The following TRIM69 variants were observed in gnomAD, a reference collection of about 807,000 sequenced individuals.
The protein encoded by TRIM69 is E3 ubiquitin-protein ligase TRIM69.
Under a neutral mutation model 37.7 loss-of-function variants are expected in TRIM69, and 29 were observed. That is an observed-to-expected ratio of 0.77 (90% CI 0.57 to 1.05). The LOEUF (loss-of-function observed/expected upper bound fraction) is 1.05. Among genes scored for constraint, TRIM69 ranks in the 50% least tolerant of loss-of-function variants. The probability of loss-of-function intolerance (pLI) is 0.00; values close to 1 mark genes in which losing one functional copy is unlikely to be tolerated. For synonymous variants in TRIM69, 209 were observed against 212.4 expected (o/e 0.98, Z 0.14); for missense variants, 596 against 579.9 (o/e 1.03, Z -0.28).
intron 1 of TRIM69, among the ~76,000 whole-genome samples, chr15:44,750,758 T>C (rs1162908503): frequency 7.2e-6 from 1 of 139,434 alleles, no homozygotes; most frequent in Non-Finnish European, 1.5e-5. Context: ...GGAGTCTCAC[T>C]CTGTTACCCA....
intron 1 of TRIM69, among the ~76,000 whole-genome samples, chr15:44,748,069 T>C (rs1300447107): frequency 6.6e-6 from 1 of 152,220 alleles, no homozygotes; most frequent in Non-Finnish European, 1.5e-5. Flanking sequence ...ATTTCACCAG[T>C]GACTTGAGTG....
At chr15:44,751,036 G>C (rs2087515805) in intron 1 of TRIM69, among the ~76,000 whole-genome samples, 1 of 132,502 alleles carries the variant, frequency 7.5e-6, no homozygotes, top group African/African-American at 2.8e-5. Flanking sequence ...GCCCACTGCA[G>C]CCTGGACCTC....
At chr15:44,749,840 T>A (rs2087482795) in intron 1 of TRIM69, among the ~76,000 whole-genome samples, 1 of 152,234 alleles carries the variant, frequency 6.6e-6, no homozygotes, top group Non-Finnish European at 1.5e-5. Flanking sequence ...CCAATTTATA[T>A]TCTCAATTAA....
At chr15:44,752,189 T>A (rs539502027) in intron 1 of TRIM69, among the ~76,000 whole-genome samples, 1 of 152,336 alleles carries the variant, frequency 6.6e-6, no homozygotes, top group South Asian at 2.1e-4. Flanking sequence ...TGTTATTGAT[T>A]TCTAGTTTCA....
In TRIM69 at chr15:44,748,906, G is replaced by T. The variant is rs528427982; in HGVS notation, c.7-5994G>T. On this transcript the variant is annotated intron_variant, in intron 1 of 6. Coordinates refer to ENST00000329464, the MANE Select transcript of TRIM69 (RefSeq NM_182985.5). ...TAGTATTATTAATTTTTTGAGATAG[G>T]GTCTTACTTTGTCGCCCAGGCTAGA... 3.9e-4 allele frequency among the ~76,000 whole-genome samples: 59 copies of T among 151,360 alleles called. 1 individual carries two copies. The South Asian group carries it at 6.7e-3, about 17-fold the overall frequency.
chr15:44,758,285 T>C (rs1467349042), intron 3 of TRIM69: 7 of 305,030 alleles, frequency 2.3e-5, no homozygotes, highest in Non-Finnish European at 3.7e-5. Flanking sequence ...TGGCAGCTTT[T>C]GGATTACCAA....
chr15:44,745,047 A>T (rs1310534487), intron 1 of TRIM69, among the ~76,000 whole-genome samples: 1 of 146,252 alleles, frequency 6.8e-6, no homozygotes, highest in Non-Finnish European at 1.5e-5. Context: ...GGCCAACTGC[A>T]TGCCCAGGAC....
chr15:44,767,137 A>G (rs1444089156), intron 6 of TRIM69, 94 bp from the exon 7 acceptor site: 10 of 793,958 alleles, frequency 1.3e-5, no homozygotes, highest in Non-Finnish European at 1.9e-5. Context: ...GGGGAGATAA[A>G]GTACTATTGA....
intron 3 of TRIM69, 121 bp downstream of exon 3, chr15:44,756,584 T>C (rs2087654122): frequency 6.2e-6 from 4 of 646,608 alleles, no homozygotes; most frequent in East Asian, 5.5e-5. Context: ...ACCTAGGCTA[T>C]GGAATTGGAA....
chr15:44,748,825 C>CAA lies in TRIM69; in HGVS notation c.7-6051_7-6050dup, dbSNP rs375092348. On this transcript the variant is annotated intron_variant, in intron 1 of 6. Coordinates refer to ENST00000329464, the MANE Select transcript of TRIM69 (RefSeq NM_182985.5). The stretch of plus-strand genomic sequence containing the variant: ...TGGGCGACAGAGTGAGACTTTGTCT[C>CAA]AAAAAAAAAAAAAAAAAAAAAAAAA... Among the ~76,000 whole-genome samples, 918 of 114,150 alleles carry CAA rather than the reference C, an allele frequency of 8.0e-3. 12 individuals are homozygous for CAA. The highest frequency in any genetic ancestry group is 0.028 in the African/African-American group (814 of 28,858). The allele number at this position is 114,150 out of a possible 152,430, so 74.9% of individuals were successfully genotyped here.
chr15:44,750,863 T>C (rs2087508902), intron 1 of TRIM69, among the ~76,000 whole-genome samples: 1 of 150,312 alleles, frequency 6.7e-6, no homozygotes, highest in South Asian at 2.1e-4. Flanking sequence ...TAGCTGGGAC[T>C]ACAGGCGCCT....
chr15:44,767,078 A>AAAAAAAAAAAAAAAAAAAAC (rs2087908675), intron 6 of TRIM69, among the ~76,000 whole-genome samples, 153 bp from the exon 7 acceptor site: 1 of 148,836 alleles, frequency 6.7e-6, no homozygotes, highest in African/African-American at 2.5e-5. Context: ...AAAAAAAAAA[A>AAAAAAAAAAAAAAAAAAAAC]AAAAAAGCAT....
intron 1 of TRIM69, chr15:44,753,182 C>A (rs1246932272): frequency 2.6e-5 from 4 of 152,162 alleles, no homozygotes; most frequent in Admixed American, 6.5e-5. Flanking sequence ...TCTTCTAGAG[C>A]AGATCTACTA....
intron 1 of TRIM69, among the ~76,000 whole-genome samples, chr15:44,748,872 G>A (rs1268066576): frequency 6.7e-6 from 1 of 149,512 alleles, no homozygotes; most frequent in Non-Finnish European, 1.5e-5. Context: ...GAGTCAAATG[G>A]CTTCAGTTTA....
At chr15:44,745,410 A>G (rs1351409225) in intron 1 of TRIM69, among the ~76,000 whole-genome samples, 2 of 152,202 alleles carry the variant, frequency 1.3e-5, no homozygotes, top group Non-Finnish European at 2.9e-5. Context: ...AACAAGAAGT[A>G]ACAAAAAACC....
chr15:44,762,577 T>C (rs371872058), intron 6 of TRIM69, among the ~76,000 whole-genome samples: 22 of 152,262 alleles, frequency 1.4e-4, no homozygotes, highest in African/African-American at 5.1e-4. Flanking sequence ...CCTCACACTT[T>C]ATTTTAAATG....
chr15:44,756,329 C>T, intron 2 of TRIM69, 39 bp from the exon 3 acceptor site: 1 of 1,416,670 alleles, frequency 7.1e-7, no homozygotes, highest in Non-Finnish European at 9.7e-7. Flanking sequence ...TCCTTCATCT[C>T]CCGAGTTAGT....
chr15:44,741,387 TA>T (rs894119693), intron 1 of TRIM69, among the ~76,000 whole-genome samples: 3 of 151,850 alleles, frequency 2.0e-5, no homozygotes, highest in Non-Finnish European at 1.5e-5. Context: ...ATTGACACCC[TA>T]ACATCACAAT....
At chr15:44,756,299 G>A (rs2087644494) in intron 2 of TRIM69, 69 bp from the exon 3 acceptor site, 3 of 1,113,050 alleles carry the variant, frequency 2.7e-6, no homozygotes, top group Non-Finnish European at 4.0e-6. Flanking sequence ...CTGGGGCCTT[G>A]GGGAAGATGT....
Sources: allele counts gnomAD v4.1 joint callset (sites outside exome capture counted in the v4.1 genomes callset), GRCh38; gene constraint gnomAD v4.1.1; transcripts MANE v1.5; gene names NCBI Gene and HGNC (gene_info 2026-07-23, HGNC 2026-07-21).